The following NME9 variants were observed in gnomAD, a reference collection of about 807,000 sequenced individuals.
NME9 encodes the protein thioredoxin domain-containing protein 6.
Under a neutral mutation model 44.4 loss-of-function variants are expected in NME9, and 48 were observed. The observed-to-expected ratio is 1.08, with a 90% CI of 0.86 to 1.37. The LOEUF (loss-of-function observed/expected upper bound fraction) is 1.37, where lower values mean the gene tolerates loss of function less well. NME9 is among the 40% of genes most tolerant of loss of function. The probability of loss-of-function intolerance (pLI) is 0.00; values close to 1 mark genes in which losing one functional copy is unlikely to be tolerated. For missense variants in NME9, 325 were observed against 405.2 expected (o/e 0.80, Z 1.70); for synonymous variants, 139 against 147.1 (o/e 0.94, Z 0.40).
chr3:138,308,136 A>T (rs2052414611), intron 6 of NME9, among the ~76,000 whole-genome samples: 1 of 152,102 alleles, frequency 6.6e-6, no homozygotes, highest in Non-Finnish European at 1.5e-5. Flanking sequence ...GAAAGAGGAG[A>T]TGATGCAACA....
At chr3:138,326,771 G>C (rs2053812437) in intron 1 of NME9, among the ~76,000 whole-genome samples, 1 of 151,862 alleles carries the variant, frequency 6.6e-6, no homozygotes, top group Non-Finnish European at 1.5e-5. Flanking sequence ...TAAGGTCTGT[G>C]TCCCTCTAAA....
At chr3:138,300,655 A>G (rs1377005096), downstream of NME9, among the ~76,000 whole-genome samples, 2 of 152,234 alleles carry the variant, frequency 1.3e-5, no homozygotes, top group African/African-American at 4.8e-5. Context: ...TGGGAGCTGA[A>G]GGCAACCTGG....
chr3:138,298,321 AG>A (rs2051663621), downstream of NME9: 1 of 152,212 alleles, frequency 6.6e-6, no homozygotes, highest in African/African-American at 2.4e-5. Flanking sequence ...TTCTTCTGGT[AG>A]TGTTTGGATA....
rs377579898 is a variant in NME9 at position 138,319,511 on chromosome 3, G to A, written c.162C>T (p.Ile54=). ...PVVSLFQKMR[I]EVGLDLLHFA... ...AGTGCAGAAGGTCCAGGCCGACCTC[G>A]ATCCTCATCTTCTGGAAGAGGCTCA... The change falls in exon 3 of 11, where the codon ATC becomes ATT. Residue 54 remains isoleucine, a synonymous_variant. Coordinates refer to ENST00000333911, the MANE Select transcript of NME9 (RefSeq NM_001349018.2). The A allele has an allele frequency of 5.0e-6, 8 of 1,612,630 alleles. No homozygotes were observed. Among genetic ancestry groups the A allele is most frequent in the Admixed American group, 3.3e-5 (2 of 59,990 alleles).
Position 138,303,530 on chromosome 3 carries a change from T to C in NME9, c.905A>G (p.Asp302Gly). ...ACCCTGAGGGGCTTCTGTATCTTTGTCTGAAAATTTCAAACTGGGGAAGAG... is the reference window on the plus strand; with the variant it reads ...ACCCTGAGGGGCTTCTGTATCTTTGCCTGAAAATTTCAAACTGGGGAAGAG... ...ALLFPSLKFS[D>G]KDTEAPQGGE... is the part of the protein sequence containing the mutation. The change falls in exon 10 of 11, where the codon GAC becomes GGC. Residue 302 changes from aspartate (D) to glycine (G), a missense_variant. By Grantham distance (94) the Asp-to-Gly change is moderately conservative. Transcript: ENST00000333911. The C allele has an allele frequency of 4.3e-6, 7 of 1,613,806 alleles. No individual in the cohort carries two copies. The highest frequency in any genetic ancestry group is 5.9e-6 in the Non-Finnish European group (7 of 1,179,682).
rs569518550 is a variant in NME9, at chr3:138,301,509, T to G, written c.*131A>C. ...TGTGAGTCACTGCGCCCAGCCATAT[T>G]ATTTTCATTGTCTACAAAAGACAGC... On this transcript the variant is annotated 3_prime_UTR_variant, in exon 11 of 11. Transcript: ENST00000333911. 4 of 1,449,792 alleles carry G rather than the reference T, an allele frequency of 2.8e-6. No individual in the cohort carries two copies. The African/African-American group carries it at 5.7e-5, about 21-fold the overall frequency. The allele number at this position is 1,449,792 out of a possible 1,614,324, so 89.8% of individuals were successfully genotyped here. A position where few individuals can be genotyped will look rare whatever the true frequency, so the allele number is the denominator to read the frequency against.
chr3:138,266,618 C>A (rs943644825), intron 8 of NME9, among the ~76,000 whole-genome samples: 1 of 152,132 alleles, frequency 6.6e-6, no homozygotes, highest in African/African-American at 2.4e-5. Flanking sequence ...AATACAGGCT[C>A]AGGCTAGTTA....
chr3:138,318,298 G>A (rs2053230265), intron 3 of NME9, 79 bp from the exon 4 acceptor site: 9 of 914,544 alleles, frequency 9.8e-6, no homozygotes, highest in Non-Finnish European at 1.5e-5. Flanking sequence ...ACCACACAGG[G>A]AACTGAACAC....
intron 8 of NME9, among the ~76,000 whole-genome samples, chr3:138,265,937 T>G (rs1310403597): frequency 6.6e-6 from 1 of 152,140 alleles, no homozygotes; most frequent in Non-Finnish European, 1.5e-5. Flanking sequence ...TGGAGCTACT[T>G]CAGTGGAAGG....
chr3:138,268,918 C>G (rs2048528981), intron 8 of NME9, among the ~76,000 whole-genome samples: 1 of 152,066 alleles, frequency 6.6e-6, no homozygotes, highest in Admixed American at 6.5e-5. Context: ...TTTATTATTA[C>G]CTTTCCTGAA....
chr3:138,316,947 G>A (rs145569995), intron 4 of NME9, among the ~76,000 whole-genome samples: 11 of 152,290 alleles, frequency 7.2e-5, no homozygotes, highest in African/African-American at 2.6e-4. Flanking sequence ...ACAAAGAAAT[G>A]GATCTGGAGA....
intron 8 of NME9, among the ~76,000 whole-genome samples, chr3:138,279,653 G>T (rs965830119): frequency 1.3e-5 from 2 of 152,106 alleles, no homozygotes; most frequent in Admixed American, 1.3e-4. Flanking sequence ...CTACCAGTTG[G>T]AATCATCTGG....
At chr3:138,293,368 C>T (rs376719616) in intron 8 of NME9, among the ~76,000 whole-genome samples, 3 of 152,160 alleles carry the variant, frequency 2.0e-5, no homozygotes, top group Non-Finnish European at 2.9e-5. Context: ...AGTGAAACCC[C>T]GTCTCTACTA....
chr3:138,301,557 CAAAAG>C lies in NME9; in HGVS notation c.*78_*82del, dbSNP rs963305323. On this transcript the variant is annotated 3_prime_UTR_variant, in exon 11 of 11. Transcript: ENST00000333911. ...AGCTAAACCAAAAAGTATTGGTACT[CAAAAG>C]AGTAAGTTCCGATTCCGGAGGTCTG... 2 of 1,517,036 alleles carry C rather than the reference CAAAAG, an allele frequency of 1.3e-6. No homozygotes were observed. Among genetic ancestry groups the C allele is most frequent in the Non-Finnish European group, 1.8e-6 (2 of 1,138,780 alleles). 94.0% of individuals were successfully genotyped at this position (1,517,036 alleles called of 1,614,324 possible).
At chr3:138,277,917 A>G (rs1162645090) in intron 8 of NME9, among the ~76,000 whole-genome samples, 1 of 152,234 alleles carries the variant, frequency 6.6e-6, no homozygotes, top group African/African-American at 2.4e-5. Flanking sequence ...CACAGTCACA[A>G]TAAAGAGGGA....
At chr3:138,273,389 C>G (rs2048965783) in intron 8 of NME9, among the ~76,000 whole-genome samples, 1 of 152,190 alleles carries the variant, frequency 6.6e-6, no homozygotes, top group Non-Finnish European at 1.5e-5. Context: ...CCAGTGCCTA[C>G]CTTGATTTGT....
At chr3:138,317,427 G>A (rs944494630) in intron 4 of NME9, among the ~76,000 whole-genome samples, 2 of 152,172 alleles carry the variant, frequency 1.3e-5, no homozygotes, top group Non-Finnish European at 2.9e-5. Flanking sequence ...GAGGTATATC[G>A]ATCCATTGCC....
intron 6 of NME9, among the ~76,000 whole-genome samples, chr3:138,313,423 T>A (rs1406238848): frequency 6.6e-6 from 1 of 151,640 alleles, no homozygotes; most frequent in Non-Finnish European, 1.5e-5. Context: ...AAAAAAAGAA[T>A]AATGAGGTGA....
chr3:138,319,137 C>A (rs2053296948), intron 3 of NME9, among the ~76,000 whole-genome samples: 1 of 152,094 alleles, frequency 6.6e-6, no homozygotes, highest in Non-Finnish European at 1.5e-5. Context: ...GAGGCAAAGG[C>A]TGCAATAAGC....
Sources: allele counts gnomAD v4.1 joint callset (sites outside exome capture counted in the v4.1 genomes callset), GRCh38; gene constraint gnomAD v4.1.1; transcripts MANE v1.5; gene names NCBI Gene and HGNC (gene_info 2026-07-23, HGNC 2026-07-21).